The following MTNAP1 variants were observed in gnomAD, a reference collection of about 807,000 sequenced individuals.
MTNAP1 encodes mitochondrial nucleoid-associated protein 1.
At chr17:73,233,388 G>C in the MTNAP1 span, 1 of 152,308 alleles carries the variant, frequency 6.6e-6, no homozygotes, top group African/African-American at 2.4e-5. Context: ...CTTTCAAGTA[G>C]GGTTGAGTGT....
At chr17:73,238,923 G>C in the MTNAP1 span, among the ~76,000 whole-genome samples, 1 of 151,386 alleles carries the variant, frequency 6.6e-6, no homozygotes, top group Admixed American at 6.6e-5. Flanking sequence ...ATACTTTTCT[G>C]TGTGTGTGTG....
At chr17:73,235,482 G>A in the MTNAP1 span, 3 of 1,602,662 alleles carry the variant, frequency 1.9e-6, no homozygotes, top group Middle Eastern at 1.7e-4. Context: ...TCAGGAATAG[G>A]ATGAGTGATA....
chr17:73,240,302 GT>G, the MTNAP1 span, among the ~76,000 whole-genome samples: 1 of 152,184 alleles, frequency 6.6e-6, no homozygotes, highest in African/African-American at 2.4e-5. Flanking sequence ...TAAATAAGGT[GT>G]AATCATCATA....
the MTNAP1 span, among the ~76,000 whole-genome samples, chr17:73,241,808 A>T: frequency 6.6e-6 from 1 of 152,182 alleles, no homozygotes; most frequent in Non-Finnish European, 1.5e-5. Context: ...GTGTGCCTGT[A>T]ATCCCAGCTA....
chr17:73,236,189 G>A, the MTNAP1 span: 1 of 1,614,170 alleles, frequency 6.2e-7, no homozygotes, highest in Non-Finnish European at 8.5e-7. Flanking sequence ...AAGAATGTCA[G>A]TGATGGGGTT....
At chr17:73,237,211 G>C in the MTNAP1 span, among the ~76,000 whole-genome samples, 3 of 152,200 alleles carry the variant, frequency 2.0e-5, no homozygotes, top group Non-Finnish European at 4.4e-5. Context: ...GCCAAGGCAG[G>C]TGGATCACTT....
the MTNAP1 span, among the ~76,000 whole-genome samples, chr17:73,241,759 G>A: frequency 0.51 from 77,710 of 151,844 alleles, 19,985 homozygotes; most frequent in East Asian, 0.62. Context: ...GCGAAACCCC[G>A]TCTCTACTAA....
At chr17:73,243,339 A>G in the MTNAP1 span, 1 of 351,320 alleles carries the variant, frequency 2.8e-6, no homozygotes, top group Non-Finnish European at 5.5e-6. Flanking sequence ...TTTTTAGTAG[A>G]GACGGGGTTT....
the MTNAP1 span, chr17:73,248,743 G>A: frequency 1.8e-6 from 1 of 557,684 alleles, no homozygotes; most frequent in Admixed American, 3.2e-5. Flanking sequence ...GTCTGTGTAA[G>A]TGGATTAACC....
At chr17:73,241,722 G>C in the MTNAP1 span, among the ~76,000 whole-genome samples, 2 of 152,176 alleles carry the variant, frequency 1.3e-5, no homozygotes, top group Non-Finnish European at 2.9e-5. Flanking sequence ...ATGAGGTCAG[G>C]AGTTCAAGAC....
chr17:73,236,174 C>A, the MTNAP1 span: 2 of 1,614,098 alleles, frequency 1.2e-6, no homozygotes, highest in Non-Finnish European at 1.7e-6. Flanking sequence ...TGTCATATTT[C>A]TCCAAAGAAT....
the MTNAP1 span, among the ~76,000 whole-genome samples, chr17:73,234,954 G>A: frequency 2.6e-5 from 4 of 152,088 alleles, no homozygotes; most frequent in Non-Finnish European, 5.9e-5. Context: ...GGTAGCTCGC[G>A]CCTGTAATCT....
chr17:73,235,374 A>G, the MTNAP1 span: 1 of 1,035,828 alleles, frequency 9.7e-7, no homozygotes. Context: ...AGTAGCAAAC[A>G]TCTAGCTTGT....
At chr17:73,248,329 C>G in the MTNAP1 span, 1 of 669,832 alleles carries the variant, frequency 1.5e-6, no homozygotes, top group Non-Finnish European at 2.6e-6. Context: ...CTACTCATCT[C>G]TTCACAGAGC....
the MTNAP1 span, chr17:73,242,247 C>G: frequency 6.3e-7 from 1 of 1,577,816 alleles, no homozygotes; most frequent in Non-Finnish European, 8.6e-7. Context: ...ACCATAGTTT[C>G]TTTGTTGGAA....
At chr17:73,241,477 G>C in the MTNAP1 span, among the ~76,000 whole-genome samples, 3 of 152,126 alleles carry the variant, frequency 2.0e-5, no homozygotes, top group South Asian at 6.2e-4. Flanking sequence ...CCTCTTTTCT[G>C]GTTCTGCTTA....
At chr17:73,244,237 A>C in the MTNAP1 span, among the ~76,000 whole-genome samples, 2 of 152,110 alleles carry the variant, frequency 1.3e-5, no homozygotes, top group Admixed American at 1.3e-4. Context: ...TGTATAATTA[A>C]ATTTTTGTGC....
chr17:73,234,700 G>A, the MTNAP1 span, among the ~76,000 whole-genome samples: 1 of 116,566 alleles, frequency 8.6e-6, no homozygotes, highest in Non-Finnish European at 1.9e-5. Flanking sequence ...AAAAAAAAAA[G>A]TATAAGTGAA....
At chr17:73,242,861 T>C in the MTNAP1 span, 827,346 of 1,558,744 alleles carry the variant, frequency 0.53, 220,645 homozygotes, top group East Asian at 0.64. Context: ...TAGTTTCAGT[T>C]GCTGTAACAA....
Sources: gnomAD v4.1 joint callset for allele counts (sites outside exome capture counted in the v4.1 genomes callset) on GRCh38, gnomAD v4.1.1 for gene constraint, MANE v1.5 for transcripts, NCBI Gene and HGNC (gene_info 2026-07-23, HGNC 2026-07-21) for gene names.